The following CHRM2 variants were observed in gnomAD, a reference collection of about 807,000 sequenced individuals.
The protein encoded by CHRM2 is muscarinic acetylcholine receptor M2.
CHRM2 carries 8 observed loss-of-function variants against 25.0 expected under a neutral mutation model. The observed-to-expected ratio is 0.32, with a 90% CI of 0.19 to 0.58. CHRM2 has a LOEUF of 0.58. Among genes scored for constraint, CHRM2 ranks in the 20% least tolerant of loss-of-function variants. The pLI, the probability that CHRM2 is intolerant of heterozygous loss-of-function variation, is 0.88. For missense variants in CHRM2, 440 were observed against 567.1 expected, an observed-to-expected ratio of 0.78 and a Z score of 2.28; for synonymous variants, 202 against 205.7, an observed-to-expected ratio of 0.98 and a Z score of 0.15.
chr7:136,892,255 GT>G (rs1271043604), intron 2 of CHRM2, among the ~76,000 whole-genome samples: 1 of 152,138 alleles, frequency 6.6e-6, no homozygotes, highest in Non-Finnish European at 1.5e-5. Flanking sequence ...TATTTTTCTT[GT>G]TTTGCTTGAT....
At chr7:136,970,344 T>A (rs1801680393) in intron 2 of CHRM2, among the ~76,000 whole-genome samples, 1 of 152,238 alleles carries the variant, frequency 6.6e-6, no homozygotes, top group South Asian at 2.1e-4. Context: ...TCACACTTTA[T>A]TTATGATAGT....
chr7:136,930,707 T>C (rs533380718), intron 2 of CHRM2, among the ~76,000 whole-genome samples: 5 of 151,470 alleles, frequency 3.3e-5, no homozygotes, highest in African/African-American at 7.2e-5. Context: ...ACCATCGTGG[T>C]TAACACGGTG....
intron 3 of CHRM2, among the ~76,000 whole-genome samples, chr7:137,011,215 GTATATA>G (rs71176365): frequency 9.7e-5 from 13 of 134,278 alleles, no homozygotes; most frequent in African/African-American, 3.2e-4. Context: ...GTGTGTGTGT[GTATATA>G]TATATATATA....
chr7:136,957,280 C>T (rs1016594056), intron 2 of CHRM2, among the ~76,000 whole-genome samples: 4 of 149,652 alleles, frequency 2.7e-5, no homozygotes, highest in Admixed American at 6.8e-5. Context: ...TGTGTGTGTG[C>T]ACATGCACAC....
At chr7:137,012,481 A>C (rs1804888265) in intron 3 of CHRM2, among the ~76,000 whole-genome samples, 1 of 152,030 alleles carries the variant, frequency 6.6e-6, no homozygotes, top group Non-Finnish European at 1.5e-5. Context: ...GCAGGCATAC[A>C]TATGTAATAT....
At chr7:136,913,324 C>G (rs942902981) in intron 2 of CHRM2, among the ~76,000 whole-genome samples, 3 of 151,652 alleles carry the variant, frequency 2.0e-5, no homozygotes, top group Non-Finnish European at 2.9e-5. Context: ...GGCAAAATAC[C>G]AGCTTTCTAT....
intron 2 of CHRM2, among the ~76,000 whole-genome samples, chr7:136,959,696 G>A (rs939488583): frequency 6.6e-6 from 1 of 152,184 alleles, no homozygotes; most frequent in African/African-American, 2.4e-5. Context: ...CAGATCACCT[G>A]AGGTCGGGAG....
At chr7:136,960,558 CTA>C (rs1185667329) in intron 2 of CHRM2, among the ~76,000 whole-genome samples, 1 of 152,196 alleles carries the variant, frequency 6.6e-6, no homozygotes, top group Non-Finnish European at 1.5e-5. Flanking sequence ...ACTAAGTTAA[CTA>C]TAAGTTGTAG....
intron 2 of CHRM2, among the ~76,000 whole-genome samples, chr7:136,939,807 G>A (rs899241028): frequency 2.0e-5 from 3 of 152,170 alleles, no homozygotes; most frequent in African/African-American, 7.2e-5. Flanking sequence ...CTTCACAGGA[G>A]CAAGTATGCT....
intron 2 of CHRM2, among the ~76,000 whole-genome samples, chr7:136,922,924 G>A (rs1329212442): frequency 2.0e-5 from 3 of 152,070 alleles, no homozygotes; most frequent in Admixed American, 6.6e-5. Context: ...TCATATACTT[G>A]CTGAATCCTC....
intron 2 of CHRM2, among the ~76,000 whole-genome samples, chr7:136,954,473 T>C (rs1224344270): frequency 6.6e-6 from 1 of 152,220 alleles, no homozygotes; most frequent in African/African-American, 2.4e-5. Context: ...TACTAAATTG[T>C]AGATTATCTT....
At chr7:136,922,688 G>T (rs762972209) in intron 2 of CHRM2, among the ~76,000 whole-genome samples, 2 of 152,084 alleles carry the variant, frequency 1.3e-5, no homozygotes, top group Non-Finnish European at 2.9e-5. Context: ...TCTTTTAATT[G>T]ATGAATTGGA....
chr7:136,945,390 G>A (rs1800014913), intron 2 of CHRM2, among the ~76,000 whole-genome samples: 1 of 151,928 alleles, frequency 6.6e-6, no homozygotes. Context: ...TTGATCCATC[G>A]TGAGTTGCTT....
chr7:137,016,584 C>T lies in CHRM2; in HGVS notation c.*318C>T. 3.0e-6 allele frequency: 1 copy of T among 336,464 alleles called. No homozygotes were observed. Among genetic ancestry groups the T allele is most frequent in the South Asian group, 3.5e-5 (1 of 28,204 alleles). The allele number at this position is 336,464 out of a possible 1,614,324, so 20.8% of individuals were successfully genotyped here. On this transcript the variant is annotated 3_prime_UTR_variant, in exon 4 of 4. Coordinates refer to ENST00000680005, the MANE Select transcript of CHRM2 (RefSeq NM_001006630.2). ...GATTCTACAATTTTATCAGTCTCTG[C>T]ACAAGAGGAATAACCTTGTTCCTTT... is the stretch of plus-strand genomic sequence containing the variant.
In CHRM2 at chr7:136,968,304, A is replaced by T. The variant is rs190256806; in HGVS notation, c.-124-23883A>T. The stretch of plus-strand genomic sequence containing the variant: ...GCTCGACATTCTTAATCAGCAGGGA[A>T]ATGCAAATTAAAACCCCAATAAGAT... On this transcript the variant is annotated intron_variant, in intron 2 of 3. Transcript: ENST00000680005. Among the ~76,000 whole-genome samples the T allele has an allele frequency of 2.3e-3, 348 of 152,150 alleles. 3 individuals carry two copies. Among genetic ancestry groups the T allele is most frequent in the Non-Finnish European group, 4.2e-3 (285 of 67,916 alleles).
chr7:136,906,515 G>C (rs1055183469), intron 2 of CHRM2, among the ~76,000 whole-genome samples: 1 of 151,172 alleles, frequency 6.6e-6, no homozygotes, highest in African/African-American at 2.4e-5. Flanking sequence ...TAAATCATTT[G>C]CCTTATACTG....
At chr7:136,930,917 A>AAAAAAAAAAAAAAAAAAAAAAAT (rs1799056831) in intron 2 of CHRM2, among the ~76,000 whole-genome samples, 1 of 144,770 alleles carries the variant, frequency 6.9e-6, no homozygotes, top group Non-Finnish European at 1.5e-5. Context: ...AAAAAAAAAA[A>AAAAAAAAAAAAAAAAAAAAAAAT]AAAAAAAAAA....
At chr7:136,916,611 C>T (rs1798127400) in intron 2 of CHRM2, among the ~76,000 whole-genome samples, 1 of 151,074 alleles carries the variant, frequency 6.6e-6, no homozygotes, top group African/African-American at 2.4e-5. Context: ...CTTTTATTTG[C>T]TTATCTCTTT....
At chr7:136,874,782 A>G (rs1190996363) in intron 2 of CHRM2, among the ~76,000 whole-genome samples, 1 of 152,042 alleles carries the variant, frequency 6.6e-6, no homozygotes, top group East Asian at 1.9e-4. Flanking sequence ...AGTAGAATAC[A>G]TTTGTTGTCT....
Sources: allele counts gnomAD v4.1 joint callset (sites outside exome capture counted in the v4.1 genomes callset), GRCh38; gene constraint gnomAD v4.1.1; transcripts MANE v1.5; gene names NCBI Gene and HGNC (gene_info 2026-07-23, HGNC 2026-07-21).